AFF3: variants seen among roughly 807,000 people sequenced by gnomAD.
AFF3 encodes AF4/FMR2 family member 3.
Under a neutral mutation model 129.7 loss-of-function variants are expected in AFF3, and 32 were observed. The observed-to-expected ratio is 0.25, with a 90% CI of 0.19 to 0.33. The LOEUF (loss-of-function observed/expected upper bound fraction) is 0.33, where lower values mean the gene tolerates loss of function less well. AFF3 is among the 10% of genes least tolerant of loss of function. AFF3 has a pLI of 1.00. For synonymous variants in AFF3, 644 were observed against 635.4 expected (o/e 1.01, Z -0.20); for missense variants, 1,373 against 1,592.0 (o/e 0.86, Z 2.34).
At chr2:100,135,883 A>T (rs1692620632) in intron 1 of AFF3, among the ~76,000 whole-genome samples, 1 of 152,224 alleles carries the variant, frequency 6.6e-6, no homozygotes, top group Non-Finnish European at 1.5e-5. Context: ...CCAGGGAGGC[A>T]GAGGCTAAAG....
chr2:100,141,983 C>A (rs192487499), intron 1 of AFF3, among the ~76,000 whole-genome samples: 1 of 152,124 alleles, frequency 6.6e-6, no homozygotes, highest in Non-Finnish European at 1.5e-5. Context: ...GCAGAAGTGA[C>A]GGTGGCCTTA....
chr2:99,556,302 G>A (rs1044314860), intron 22 of AFF3, among the ~76,000 whole-genome samples: 6 of 152,074 alleles, frequency 3.9e-5, no homozygotes, highest in East Asian at 1.9e-4. Context: ...AAAATTGGCC[G>A]GGTGTGGTGG....
intron 8 of AFF3, among the ~76,000 whole-genome samples, chr2:99,792,187 G>A (rs771652705): frequency 6.6e-6 from 1 of 152,122 alleles, no homozygotes; most frequent in Non-Finnish European, 1.5e-5. Context: ...TAATGAGAAT[G>A]GACAGCATAT....
chr2:99,593,873 G>A lies in AFF3; in HGVS notation c.1788C>T (p.Ala596=), dbSNP rs1558618600. 9 of 1,394,404 alleles carry A rather than the reference G, an allele frequency of 6.5e-6. No individual in the cohort carries two copies. The African/African-American group carries it at 8.5e-5, about 13-fold the overall frequency. 86.4% of individuals were successfully genotyped at this position (1,394,404 alleles called of 1,614,324 possible). The change falls in exon 15 of 25, where the codon GCC becomes GCT. Residue 596 remains alanine, a synonymous_variant. Transcript: ENST00000672756. ...GCCGGTGGCAGTTGGCGCCGTCCCC[G>A]GCTGAGGTCCTCTCGGTGCGCCTGG... ...KPTRRTERTS[A]GDGANCHRPE...
chr2:99,568,123 G>A (rs1202762164), intron 19 of AFF3, among the ~76,000 whole-genome samples: 1 of 152,166 alleles, frequency 6.6e-6, no homozygotes. Context: ...GTATTCTGAA[G>A]GTCACTGGAA....
At chr2:99,893,325 G>A (rs948387526) in intron 7 of AFF3, among the ~76,000 whole-genome samples, 1 of 152,180 alleles carries the variant, frequency 6.6e-6, no homozygotes. Context: ...CATTTAATAC[G>A]TATGACTGAC....
chr2:99,585,530 T>C (rs1429913485), intron 16 of AFF3, among the ~76,000 whole-genome samples: 1 of 152,188 alleles, frequency 6.6e-6, no homozygotes, highest in African/African-American at 2.4e-5. Flanking sequence ...GCTAAGTCTC[T>C]AGAGCAAGAG....
At chr2:100,105,259 G>A (rs1691197302) in intron 3 of AFF3, 1 of 1,136,884 alleles carries the variant, frequency 8.8e-7, no homozygotes, top group South Asian at 1.7e-5. Flanking sequence ...GACCCGGGTG[G>A]GTGCGGGGGA....
intron 20 of AFF3, among the ~76,000 whole-genome samples, chr2:99,562,701 A>AGT (rs1212399342): frequency 6.6e-5 from 10 of 152,240 alleles, no homozygotes; most frequent in African/African-American, 2.2e-4. Context: ...TGGTATGATG[A>AGT]GTGAGTTCCT....
chr2:99,552,135 C>T (rs185277508), intron 24 of AFF3, among the ~76,000 whole-genome samples: 2 of 152,278 alleles, frequency 1.3e-5, no homozygotes, highest in Non-Finnish European at 2.9e-5. Context: ...CCTGGAATTC[C>T]GGCACTTTAG....
intron 1 of AFF3, among the ~76,000 whole-genome samples, chr2:100,137,556 CACAG>C (rs920930406): frequency 5.6e-4 from 55 of 98,280 alleles, no homozygotes; most frequent in East Asian, 1.4e-3. Context: ...CACACACACA[CACAG>C]ACACACAGAG....
chr2:99,850,750 T>C (rs1397591613), intron 7 of AFF3, among the ~76,000 whole-genome samples: 1 of 152,232 alleles, frequency 6.6e-6, no homozygotes, highest in Non-Finnish European at 1.5e-5. Flanking sequence ...AGTGTAGTAG[T>C]AAGTCTATGA....
At chr2:100,121,459 A>G (rs188862389) in intron 2 of AFF3, among the ~76,000 whole-genome samples, 2 of 152,346 alleles carry the variant, frequency 1.3e-5, no homozygotes, top group East Asian at 3.9e-4. Flanking sequence ...CAGTGAAGAT[A>G]TGGAAGTGAA....
intron 1 of AFF3, among the ~76,000 whole-genome samples, chr2:100,129,811 G>A (rs956680102): frequency 6.6e-6 from 1 of 152,180 alleles, no homozygotes; most frequent in African/African-American, 2.4e-5. Context: ...CATTTTAACT[G>A]AAGAGTAAAT....
intron 11 of AFF3, chr2:99,707,165 A>G: frequency 1.0e-6 from 1 of 985,458 alleles, no homozygotes; most frequent in Non-Finnish European, 1.2e-6. Flanking sequence ...CTTGCCTGTA[A>G]CAACATCCTA....
chr2:99,575,414 AT>A (rs540441950), intron 18 of AFF3, among the ~76,000 whole-genome samples: 6,071 of 127,392 alleles, frequency 0.048, 266 homozygotes, highest in African/African-American at 0.13. Flanking sequence ...TGCCTGGCTA[AT>A]TTTTTTTTTT....
chr2:99,551,972 G>A (rs1674451317), intron 24 of AFF3, among the ~76,000 whole-genome samples: 1 of 152,188 alleles, frequency 6.6e-6, no homozygotes, highest in Non-Finnish European at 1.5e-5. Flanking sequence ...AGCCCCTGGA[G>A]TGAGTCCAAG....
At chr2:99,558,993 C>A in intron 21 of AFF3, 25 bp from the exon 22 acceptor site, 1 of 1,611,144 alleles carries the variant, frequency 6.2e-7, no homozygotes, top group Non-Finnish European at 8.5e-7. Context: ...AGAAACAGGC[C>A]CAGAAGCGGC....
At chr2:99,827,631 G>A (rs1576115628) in intron 8 of AFF3, among the ~76,000 whole-genome samples, 1 of 151,572 alleles carries the variant, frequency 6.6e-6, no homozygotes, top group African/African-American at 2.4e-5. Context: ...TGCAAGCAAT[G>A]TAGCACTGAA....
Sources: gnomAD v4.1 joint callset for allele counts (sites outside exome capture counted in the v4.1 genomes callset) on GRCh38, gnomAD v4.1.1 for gene constraint, MANE v1.5 for transcripts, NCBI Gene and HGNC (gene_info 2026-07-23, HGNC 2026-07-21) for gene names.